DHTKD1: variants seen among roughly 807,000 people sequenced by gnomAD.
DHTKD1 encodes dehydrogenase E1 and transketolase domain containing 1, also known as 2-oxoadipate dehydrogenase complex component E1.
DHTKD1 carries 78 observed loss-of-function variants against 101.8 expected under a neutral mutation model. That is an observed-to-expected ratio of 0.77 (90% CI 0.64 to 0.93). The LOEUF is 0.93. Among genes scored for constraint, DHTKD1 ranks in the 40% least tolerant of loss-of-function variants. The pLI, the probability that DHTKD1 is intolerant of heterozygous loss-of-function variation, is 0.00. For missense variants in DHTKD1, 1,223 were observed against 1,161.7 expected (o/e 1.05, Z -0.77); for synonymous variants, 462 against 450.3 (o/e 1.03, Z -0.33).
rs1323175023 is a variant in DHTKD1 at position 12,100,187 on chromosome 10, G to C, written c.1681G>C (p.Glu561Gln). Residue 561 changes from glutamate to glutamine, a missense_variant, in exon 9 of 17, where the codon GAG becomes CAG. Glu to Gln is a conservative substitution (Grantham distance 29). Transcript: ENST00000263035. ...CCTCTGAATTTTACAGTCCAGAATG[G>C]AGAAGATGATGGACGGAATCAAGCT... Reference protein sequence around the residue: ...LLKTHVQSRMEKMMDGIKLDW... With the variant: ...LLKTHVQSRMQKMMDGIKLDW... 1.3e-6 allele frequency: 2 copies of C among 1,587,172 alleles called. No individual in the cohort carries two copies. Among genetic ancestry groups the C allele is most frequent in the African/African-American group, 2.7e-5 (2 of 73,428 alleles).
rs564821949 is a variant in DHTKD1 at position 12,086,254 on chromosome 10, C to T, written c.523-1281C>T. 1.8e-4 allele frequency among the ~76,000 whole-genome samples: 27 copies of T among 146,248 alleles called. No individual in the cohort carries two copies. In the South Asian group the frequency reaches 6.0e-3, roughly 32 times the overall value. ...TTTTTTTTTTTTGAGATGGATTCTC[C>T]CTGTCGCCCAGGCTGGAGTGCAGTG... On this transcript the variant is annotated intron_variant, in intron 3 of 16. Transcript: ENST00000263035.
chr10:12,118,643 A>G (rs1833463163), intron 14 of DHTKD1, 106 bp from the exon 15 acceptor site: 2 of 860,124 alleles, frequency 2.3e-6, no homozygotes, highest in Non-Finnish European at 3.3e-6. Flanking sequence ...TGGCCTCCCA[A>G]AGTGCTGAGA....
At chr10:12,119,627 AAAAAAAAAG>A (rs1833492334) in intron 15 of DHTKD1, among the ~76,000 whole-genome samples, 1 of 151,648 alleles carries the variant, frequency 6.6e-6, no homozygotes, top group Non-Finnish European at 1.5e-5. Flanking sequence ...AAAAAAAAAA[AAAAAAAAAG>A]AAAGAAAATT....
At chr10:12,109,409 G>A (rs1397265454) in intron 12 of DHTKD1, among the ~76,000 whole-genome samples, 1 of 151,554 alleles carries the variant, frequency 6.6e-6, no homozygotes, top group Non-Finnish European at 1.5e-5. Context: ...ACTACTAGTT[G>A]TTGAAGAAAC....
intron 2 of DHTKD1, among the ~76,000 whole-genome samples, chr10:12,082,207 C>G (rs1832830651): frequency 6.6e-6 from 1 of 152,124 alleles, no homozygotes; most frequent in Admixed American, 6.6e-5. Context: ...AAATCACTCC[C>G]AAAAGTAGTT....
In DHTKD1 at chr10:12,105,229, T is replaced by G. The variant is rs1246709542; in HGVS notation, c.1897-1017T>G. On this transcript the variant is annotated intron_variant, in intron 10 of 16. Coordinates refer to ENST00000263035, the MANE Select transcript of DHTKD1 (RefSeq NM_018706.7). The stretch of plus-strand genomic sequence containing the variant: ...TGTTAACATATCATGATGGTTCTTT[T>G]GATTTACCATGCAAATACGATGTTA... Among the ~76,000 whole-genome samples the G allele has an allele frequency of 2.6e-5, 4 of 152,204 alleles. No homozygotes were observed. The East Asian group carries it at 7.7e-4, about 29-fold the overall frequency.
rs1832871596 is a variant in DHTKD1 at position 12,084,616 on chromosome 10, G to A, written c.387G>A (p.Gln129=). ...ATCTCAATCAAATCTACTGTGGGCA[G>A]ATTTCTATTGAAACCTCCCAACTTC... ...LVYLNQIYCG[Q]ISIETSQLQS... Residue 129 remains glutamine (Q), a synonymous_variant, in exon 3 of 17, where the codon CAG becomes CAA. Coordinates refer to ENST00000263035, the MANE Select transcript of DHTKD1 (RefSeq NM_018706.7). 2 of 1,613,918 alleles carry A rather than the reference G, an allele frequency of 1.2e-6. No individual in the cohort carries two copies. The highest frequency in any genetic ancestry group is 1.1e-5 in the South Asian group (1 of 91,086).
intron 3 of DHTKD1, among the ~76,000 whole-genome samples, chr10:12,086,560 T>C (rs1163705110): frequency 6.6e-6 from 1 of 152,068 alleles, no homozygotes; most frequent in Non-Finnish European, 1.5e-5. Context: ...CCTGACCTCA[T>C]GATCTGCCCA....
chr10:12,108,190 A>G (rs997482732), intron 12 of DHTKD1, among the ~76,000 whole-genome samples, 175 bp downstream of exon 12: 1 of 152,202 alleles, frequency 6.6e-6, no homozygotes, highest in African/African-American at 2.4e-5. Flanking sequence ...GTATAATTGT[A>G]TCACGGTTTT....
rs149544379 is a variant in DHTKD1, at chr10:12,087,566, C to T, written c.554C>T (p.Ser185Leu). The T allele has an allele frequency of 2.4e-5, 38 of 1,608,578 alleles. No individual in the cohort carries two copies. The highest frequency in any genetic ancestry group is 1.6e-4 in the African/African-American group (12 of 74,686). Residue 185 changes from serine to leucine, a missense_variant, in exon 4 of 17, where the codon TCG becomes TTG. Coordinates refer to ENST00000263035, the MANE Select transcript of DHTKD1 (RefSeq NM_018706.7). This position sits in a 1 kb window ranked among gnomAD's most constrained non-coding sequence, Gnocchi z 5.2. ...EFDHFLATKF[S>L]TVKRYGGEGA... is the part of the protein sequence containing the mutation. ...GACCACTTTCTGGCCACCAAGTTCT[C>T]GACAGTGAAGCGATATGGAGGCGAA...
intron 5 of DHTKD1, among the ~76,000 whole-genome samples, chr10:12,090,264 A>C (rs879407082): frequency 3.2e-4 from 48 of 152,196 alleles, no homozygotes; most frequent in Admixed American, 1.8e-3. Flanking sequence ...TGTAAATGCC[A>C]CGTTATCCTA....
chr10:12,069,017 C>G lies in DHTKD1; in HGVS notation c.-17C>G, dbSNP rs745388653. On this transcript the variant is annotated 5_prime_UTR_variant, in exon 1 of 17. Coordinates refer to ENST00000263035, the MANE Select transcript of DHTKD1 (RefSeq NM_018706.7). ...CGGGCTCCCGCCTTAGCATGCTGGC[C>G]GGGACATCTGGTGAACATGGCCTCT... 3.1e-6 allele frequency: 5 copies of G among 1,612,714 alleles called. No homozygotes were observed. Among genetic ancestry groups the G allele is most frequent in the Admixed American group, 1.7e-5 (1 of 59,990 alleles).
chr10:12,081,191 G>A (rs1039583760), intron 1 of DHTKD1, among the ~76,000 whole-genome samples: 4 of 144,490 alleles, frequency 2.8e-5, no homozygotes, highest in East Asian at 4.2e-4. Flanking sequence ...GGAGAATGGC[G>A]TGAACCTGGG....
intron 10 of DHTKD1, among the ~76,000 whole-genome samples, chr10:12,101,596 A>T (rs1461075071): frequency 6.6e-6 from 1 of 152,074 alleles, no homozygotes; most frequent in Non-Finnish European, 1.5e-5. Context: ...TGTACACATA[A>T]CCGTGTATTT....
At chr10:12,118,446 G>A (rs61274534) in intron 14 of DHTKD1, among the ~76,000 whole-genome samples, 32,020 of 148,080 alleles carry the variant, frequency 0.22, 3,489 homozygotes, top group East Asian at 0.28. Context: ...GCAGTGGCAC[G>A]ATCTTGGCTC....
intron 7 of DHTKD1, among the ~76,000 whole-genome samples, chr10:12,095,554 C>T (rs934696451): frequency 6.6e-6 from 1 of 151,988 alleles, no homozygotes; most frequent in South Asian, 2.1e-4. Context: ...TGGCTCACGC[C>T]TGTAATCCCA....
At chr10:12,118,981 T>C in intron 15 of DHTKD1, 63 bp downstream of exon 15, 3 of 1,409,678 alleles carry the variant, frequency 2.1e-6, no homozygotes, top group East Asian at 5.2e-5. Context: ...TCAGCTCTTT[T>C]AAATGAAAAG....
In DHTKD1 at chr10:12,113,011, A is replaced by T. The variant is rs199643928; in HGVS notation, c.2266A>T (p.Asn756Tyr). The change falls in exon 13 of 17, where the codon AAC becomes TAC. Residue 756 changes from asparagine to tyrosine, a missense_variant. Asn to Tyr is a moderately radical substitution (Grantham distance 143). Transcript: ENST00000263035. Reference protein sequence around the residue: ...FHLLRRQMVRNFRKPLIVASP... With the variant: ...FHLLRRQMVRYFRKPLIVASP... The stretch of plus-strand genomic sequence containing the variant: ...CTTGCTTAGGAGACAGATGGTCCGG[A>T]ACTTCAGAAAACCACTCATTGTTGC... The T allele has an allele frequency of 7.4e-5, 120 of 1,613,596 alleles. No homozygotes were observed. Among genetic ancestry groups the T allele is most frequent in the Admixed American group, 2.5e-4 (15 of 59,886 alleles).
intron 1 of DHTKD1, among the ~76,000 whole-genome samples, chr10:12,070,641 A>G (rs1832638266): frequency 6.6e-6 from 1 of 152,132 alleles, no homozygotes; most frequent in African/African-American, 2.4e-5. Flanking sequence ...GGCACCTGCC[A>G]CCATGCCCAG....
Sources: gnomAD v4.1 joint callset for allele counts (sites outside exome capture counted in the v4.1 genomes callset) on GRCh38, gnomAD v4.1.1 for gene constraint, Gnocchi (gnomAD v3.1) non-coding constraint, MANE v1.5 for transcripts, NCBI Gene and HGNC (gene_info 2026-07-23, HGNC 2026-07-21) for gene names.